RNF150: variants seen among roughly 807,000 people sequenced by gnomAD.
RNF150 encodes ring finger protein 150.
Under a neutral mutation model 39.3 loss-of-function variants are expected in RNF150, and 24 were observed. The observed-to-expected ratio is 0.61, with a 90% confidence interval of 0.44 to 0.86. The LOEUF is 0.86. RNF150 is among the 40% of genes least tolerant of loss of function. The pLI is 0.00. For synonymous variants in RNF150, 255 were observed against 227.3 expected (o/e 1.12, Z -1.10); for missense variants, 502 against 587.8 (o/e 0.85, Z 1.51).
intron 1 of RNF150, among the ~76,000 whole-genome samples, chr4:141,210,701 A>T (rs1728449534): frequency 6.6e-6 from 1 of 152,018 alleles, no homozygotes. Flanking sequence ...GACTACCAAA[A>T]ATCAAGGTGT....
intron 1 of RNF150, among the ~76,000 whole-genome samples, chr4:141,124,349 C>T (rs868035836): frequency 6.6e-6 from 1 of 152,328 alleles, no homozygotes. Context: ...TGGGGACCAG[C>T]AGGAGGAGGC....
chr4:141,033,362 C>T (rs1215146074), intron 1 of RNF150, among the ~76,000 whole-genome samples: 1 of 152,170 alleles, frequency 6.6e-6, no homozygotes, highest in Non-Finnish European at 1.5e-5. Context: ...CATCTTTAGA[C>T]TCCACTTATA....
At chr4:141,199,771 C>G (rs1237820139) in intron 1 of RNF150, among the ~76,000 whole-genome samples, 2 of 152,016 alleles carry the variant, frequency 1.3e-5, no homozygotes, top group African/African-American at 2.4e-5. Context: ...TATGTTTTGT[C>G]AAAACCATAG....
chr4:141,122,538 C>T (rs1195470776), intron 1 of RNF150, among the ~76,000 whole-genome samples: 2 of 152,210 alleles, frequency 1.3e-5, no homozygotes, highest in Non-Finnish European at 2.9e-5. Flanking sequence ...CATGAATAGC[C>T]TTTGACTAAT....
intron 1 of RNF150, among the ~76,000 whole-genome samples, chr4:141,027,926 G>GTTTTTTTTTTTTT (rs61543533): frequency 5.8e-5 from 4 of 69,126 alleles, no homozygotes; most frequent in African/African-American, 5.4e-5. Flanking sequence ...TTTTTTTTTT[G>GTTTTTTTTTTTTT]TTTTTTTTTT....
chr4:141,194,989 T>C (rs556450599), intron 1 of RNF150, among the ~76,000 whole-genome samples: 18 of 152,108 alleles, frequency 1.2e-4, no homozygotes, highest in Non-Finnish European at 2.2e-4. Context: ...AAGGATACAA[T>C]AATAGTAGCT....
intron 1 of RNF150, among the ~76,000 whole-genome samples, chr4:141,153,520 G>A (rs1232109710): frequency 6.6e-6 from 1 of 152,256 alleles, no homozygotes; most frequent in African/African-American, 2.4e-5. Context: ...TCTTAGAATT[G>A]TGAGAAAATA....
At chr4:141,183,585 G>A (rs1281393829) in intron 1 of RNF150, among the ~76,000 whole-genome samples, 2 of 151,762 alleles carry the variant, frequency 1.3e-5, no homozygotes, top group Non-Finnish European at 2.9e-5. Flanking sequence ...TGTGCAGAAT[G>A]TGCAGGTTTG....
At chr4:141,149,371 C>T (rs1727258422) in intron 1 of RNF150, among the ~76,000 whole-genome samples, 1 of 117,572 alleles carries the variant, frequency 8.5e-6, no homozygotes, top group Non-Finnish European at 1.9e-5. Context: ...TGTGTAGCTT[C>T]TTATCTCTTG....
At chr4:140,932,514 T>G (rs1731686849) in intron 4 of RNF150, among the ~76,000 whole-genome samples, 1 of 152,160 alleles carries the variant, frequency 6.6e-6, no homozygotes, top group African/African-American at 2.4e-5. Flanking sequence ...CAGTCAGTGT[T>G]TTTACCCACT....
intron 1 of RNF150, among the ~76,000 whole-genome samples, chr4:141,210,947 C>T (rs956253040): frequency 3.9e-5 from 6 of 152,076 alleles, no homozygotes; most frequent in African/African-American, 1.4e-4. Context: ...TTTTGTGTGT[C>T]CTTTTGTCCT....
intron 1 of RNF150, among the ~76,000 whole-genome samples, chr4:141,096,185 GCTTT>G (rs1269607680): frequency 2.0e-5 from 2 of 100,296 alleles, no homozygotes; most frequent in South Asian, 3.8e-4. Context: ...AGAGTTTTTA[GCTTT>G]CTTTTTTTTT....
At chr4:141,071,541 T>C (rs1386857652) in intron 1 of RNF150, among the ~76,000 whole-genome samples, 1 of 151,798 alleles carries the variant, frequency 6.6e-6, no homozygotes, top group East Asian at 1.9e-4. Flanking sequence ...AGGAGGAAAT[T>C]TGTTGCTGGA....
At chr4:140,966,038 T>A (rs1044885122) in intron 2 of RNF150, among the ~76,000 whole-genome samples, 48 of 151,974 alleles carry the variant, frequency 3.2e-4, no homozygotes, top group African/African-American at 8.9e-4. Context: ...TTTATTTTTT[T>A]AAAAAAGATT....
chr4:141,032,652 T>C (rs1234559639), intron 1 of RNF150, among the ~76,000 whole-genome samples: 1 of 151,860 alleles, frequency 6.6e-6, no homozygotes, highest in Non-Finnish European at 1.5e-5. Context: ...CAGTGCTAGT[T>C]GGTTTTCATC....
chr4:141,103,891 A>C (rs894127808), intron 1 of RNF150, among the ~76,000 whole-genome samples: 2 of 152,202 alleles, frequency 1.3e-5, no homozygotes, highest in African/African-American at 4.8e-5. Flanking sequence ...CAAAAATTCA[A>C]AACACAAAAG....
At chr4:140,949,675 C>G (rs971452874) in intron 2 of RNF150, among the ~76,000 whole-genome samples, 1 of 73,266 alleles carries the variant, frequency 1.4e-5, no homozygotes, top group Non-Finnish European at 3.2e-5. Context: ...GCATACACTA[C>G]CCCCCCCCAA....
At chr4:141,203,347 T>C (rs1215984103) in intron 1 of RNF150, among the ~76,000 whole-genome samples, 1 of 151,038 alleles carries the variant, frequency 6.6e-6, no homozygotes, top group Non-Finnish European at 1.5e-5. Flanking sequence ...ATCTTGGAGA[T>C]ATATAATCTT....
intron 1 of RNF150, among the ~76,000 whole-genome samples, chr4:141,139,797 G>T (rs1042905026): frequency 6.6e-6 from 1 of 152,188 alleles, no homozygotes; most frequent in Non-Finnish European, 1.5e-5. Flanking sequence ...AGGCCATGCA[G>T]GTAGCAAGTA....
Sources: gnomAD v4.1 joint callset for allele counts (sites outside exome capture counted in the v4.1 genomes callset) on GRCh38, gnomAD v4.1.1 for gene constraint, MANE v1.5 for transcripts, NCBI Gene and HGNC (gene_info 2026-07-23, HGNC 2026-07-21) for gene names.